Variants in MED12L observed in about 807,000 individuals in gnomAD.
MED12L encodes the protein mediator of RNA polymerase II transcription subunit 12-like protein.
A neutral mutation model predicts 281.3 loss-of-function variants in MED12L; 60 were observed. The observed-to-expected ratio is 0.21, with a 90% CI of 0.17 to 0.26. The LOEUF (loss-of-function observed/expected upper bound fraction) is 0.26. Ranked by LOEUF, MED12L falls within the 10% of genes least tolerant of loss-of-function variation. The pLI is 1.00. For synonymous variants in MED12L, 974 were observed against 987.2 expected, an observed-to-expected ratio of 0.99 and a Z score of 0.25; for missense variants, 2,146 against 2,680.9, an observed-to-expected ratio of 0.80 and a Z score of 4.41.
chr3:151,261,935 C>T (rs1205156882), intron 16 of MED12L, among the ~76,000 whole-genome samples: 1 of 152,064 alleles, frequency 6.6e-6, no homozygotes, highest in East Asian at 1.9e-4. Context: ...CCACGTTGGC[C>T]AGGCTGGTCT....
At chr3:151,107,941 A>G (rs1722279491) in intron 2 of MED12L, among the ~76,000 whole-genome samples, 1 of 152,242 alleles carries the variant, frequency 6.6e-6, no homozygotes, top group Non-Finnish European at 1.5e-5. Flanking sequence ...TGATTGTTTA[A>G]GGCTTTGAAT....
chr3:151,108,553 ATGAAAAG>A (rs1400368841), intron 2 of MED12L, among the ~76,000 whole-genome samples: 1 of 152,176 alleles, frequency 6.6e-6, no homozygotes, highest in East Asian at 1.9e-4. Flanking sequence ...CTATAAAACC[ATGAAAAG>A]TGTTTTGTTT....
At chr3:151,268,023 C>A (rs188463347) in intron 16 of MED12L, among the ~76,000 whole-genome samples, 7 of 152,222 alleles carry the variant, frequency 4.6e-5, no homozygotes, top group African/African-American at 1.7e-4. Flanking sequence ...TAGTCTTATG[C>A]GTTCTTAGTA....
chr3:151,197,212 G>A (rs1037252923), intron 16 of MED12L, among the ~76,000 whole-genome samples: 10 of 151,968 alleles, frequency 6.6e-5, no homozygotes, highest in South Asian at 2.1e-4. Flanking sequence ...TGCCCAGGCC[G>A]GAGTGCAGTG....
At chr3:151,247,219 T>A (rs2149423925) in intron 16 of MED12L, among the ~76,000 whole-genome samples, 1 of 152,110 alleles carries the variant, frequency 6.6e-6, no homozygotes, top group South Asian at 2.1e-4. Flanking sequence ...TCCTCAGGGA[T>A]CTAGAACTGG....
chr3:151,407,980 T>G (rs182433183), intron 39 of MED12L, among the ~76,000 whole-genome samples: 1 of 152,330 alleles, frequency 6.6e-6, no homozygotes, highest in East Asian at 1.9e-4. Context: ...ATTAGGATGA[T>G]TTTAAGAGGC....
In MED12L at chr3:151,265,334, G is replaced by C. The variant is rs146652162; in HGVS notation, c.2250+71668G>C. ...AAGAGATCAGGAAAATAAAACTGTT[G>C]AGTTTATTTTTCCCAGCACAGACGT... On this transcript the variant is annotated intron_variant, in intron 16 of 44. Transcript: ENST00000687756. Among the ~76,000 whole-genome samples, 773 of 152,268 alleles carry C rather than the reference G, an allele frequency of 5.1e-3. 12 individuals are homozygous for C. Among genetic ancestry groups the C allele is most frequent in the African/African-American group, 0.017 (721 of 41,548 alleles).
chr3:151,246,519 G>A (rs1017008552), intron 16 of MED12L, among the ~76,000 whole-genome samples: 2 of 152,102 alleles, frequency 1.3e-5, no homozygotes, highest in Non-Finnish European at 2.9e-5. Context: ...AAGCAATGGG[G>A]AAAGGATTCC....
At chr3:151,313,730 G>A (rs1747853940) in intron 16 of MED12L, among the ~76,000 whole-genome samples, 1 of 152,078 alleles carries the variant, frequency 6.6e-6, no homozygotes, top group African/African-American at 2.4e-5. Context: ...TATAATCCCA[G>A]CCACTTAGGA....
At chr3:151,198,742 G>A (rs139386021) in intron 16 of MED12L, 143 of 1,613,050 alleles carry the variant, frequency 8.9e-5, no homozygotes, top group Non-Finnish European at 1.2e-4. Context: ...TCACATTTGG[G>A]TAATTTTCAT....
chr3:151,198,013 G>A (rs985752058), intron 16 of MED12L: 1 of 153,648 alleles, frequency 6.5e-6, no homozygotes, highest in African/African-American at 2.4e-5. Context: ...AATCTGAAAG[G>A]CTTTAAAATT....
chr3:151,276,498 T>C (rs1483199212), intron 16 of MED12L, among the ~76,000 whole-genome samples: 3 of 152,210 alleles, frequency 2.0e-5, no homozygotes, highest in Non-Finnish European at 4.4e-5. Flanking sequence ...GGTCTGTTTT[T>C]GGTATTCTAG....
At chr3:151,349,959 A>G in intron 16 of MED12L, 100 bp from the exon 17 acceptor site, 1 of 1,104,850 alleles carries the variant, frequency 9.1e-7, no homozygotes, top group Admixed American at 2.4e-5. Context: ...CCACCACCGC[A>G]AGCCAGCATG....
chr3:151,163,788 A>G (rs978699068), intron 8 of MED12L, 105 bp from the exon 9 acceptor site: 26 of 1,125,950 alleles, frequency 2.3e-5, no homozygotes, highest in Non-Finnish European at 3.1e-5. Context: ...ACTTACTAGT[A>G]GGAGACAATA....
At chr3:151,163,550 G>T (rs934278047) in intron 8 of MED12L, among the ~76,000 whole-genome samples, 1 of 151,048 alleles carries the variant, frequency 6.6e-6, no homozygotes, top group Non-Finnish European at 1.5e-5. Flanking sequence ...CATATTATAA[G>T]TTCATCTCAT....
At chr3:151,390,788 T>C (rs1000340414) in intron 38 of MED12L, among the ~76,000 whole-genome samples, 1 of 152,236 alleles carries the variant, frequency 6.6e-6, no homozygotes, top group African/African-American at 2.4e-5. Context: ...AATTTTTCTA[T>C]TGTGATTTTT....
intron 11 of MED12L, among the ~76,000 whole-genome samples, chr3:151,180,613 T>C (rs1722594530): frequency 6.6e-6 from 1 of 152,218 alleles, no homozygotes; most frequent in Admixed American, 6.5e-5. Context: ...AGTGGTGACA[T>C]CTGGATGTGT....
At chr3:151,300,013 A>G in intron 16 of MED12L, 1 of 1,193,948 alleles carries the variant, frequency 8.4e-7, no homozygotes, top group Non-Finnish European at 1.3e-6. Context: ...AAACAGTGGA[A>G]ATAATAGTCA....
chr3:151,176,395 G>A (rs1323815060), intron 11 of MED12L, among the ~76,000 whole-genome samples: 9 of 152,098 alleles, frequency 5.9e-5, no homozygotes, highest in Non-Finnish European at 8.8e-5. Context: ...GAAAAAATAC[G>A]TTTCAAATAT....
Sources: allele counts gnomAD v4.1 joint callset (sites outside exome capture counted in the v4.1 genomes callset), GRCh38; gene constraint gnomAD v4.1.1; transcripts MANE v1.5; gene names NCBI Gene and HGNC (gene_info 2026-07-23, HGNC 2026-07-21).